The following CRISPLD1 variants were observed in gnomAD, a reference collection of about 807,000 sequenced individuals.
CRISPLD1 encodes cysteine-rich secretory protein LCCL domain-containing 1.
Under a neutral mutation model 77.5 loss-of-function variants are expected in CRISPLD1, and 60 were observed. The ratio of observed to expected loss-of-function variants is 0.77; its 90% CI spans 0.63 to 0.96. The LOEUF is 0.96. CRISPLD1 is among the 40% of genes least tolerant of loss of function. The pLI is 0.00. For synonymous variants in CRISPLD1, 195 were observed against 200.1 expected, an observed-to-expected ratio of 0.97 and a Z score of 0.22; for missense variants, 623 against 615.8, an observed-to-expected ratio of 1.01 and a Z score of -0.12.
intron 2 of CRISPLD1, among the ~76,000 whole-genome samples, chr8:75,009,439 GA>G (rs1281075509): frequency 6.6e-6 from 1 of 152,110 alleles, no homozygotes; most frequent in Non-Finnish European, 1.5e-5. Context: ...TTCAAGGGAA[GA>G]GGGGGGAATT....
At position 74,984,855 on chromosome 8, in the gene CRISPLD1, T is replaced by TG. The variant is rs951311334; in HGVS notation, c.-125dup. ...CGTCTGCGGTCCCTTGTGAAGGCTC[T>TG]GGGCGGCTGCAGAGGCCGGCCGTCC... On this transcript the variant is annotated 5_prime_UTR_variant, in exon 1 of 15. Coordinates refer to ENST00000262207, the MANE Select transcript of CRISPLD1 (RefSeq NM_031461.6). 6.6e-6 allele frequency: 1 copy of TG among 152,350 alleles called. No homozygotes were observed. Among genetic ancestry groups the TG allele is most frequent in the Non-Finnish European group, 1.5e-5 (1 of 68,162 alleles). The allele number at this position is 152,350 out of a possible 1,614,324, so 9.4% of individuals were successfully genotyped here.
intron 2 of CRISPLD1, among the ~76,000 whole-genome samples, chr8:75,005,429 C>T (rs1365679603): frequency 2.0e-5 from 3 of 152,026 alleles, no homozygotes; most frequent in South Asian, 2.1e-4. Context: ...GGAAAGAGAA[C>T]TCTTCCAGGG....
chr8:75,001,664 T>C (rs913691190), intron 2 of CRISPLD1, among the ~76,000 whole-genome samples: 2 of 152,190 alleles, frequency 1.3e-5, no homozygotes, highest in African/African-American at 4.8e-5. Flanking sequence ...TGACAATATG[T>C]GTCCAGCTGA....
rs1324071891 is a variant in CRISPLD1 at position 75,034,133 on chromosome 8, A to T, written c.*1891A>T. ...ATTTCCCAGCCCCAGAACCCTTGAA[A>T]TTAACTCTTCCATGAGTTTTCATTG... On this transcript the variant is annotated 3_prime_UTR_variant, in exon 15 of 15. Transcript: ENST00000262207. 2 of 152,034 alleles carry T rather than the reference A, an allele frequency of 1.3e-5. No homozygotes were observed. The highest frequency in any genetic ancestry group is 6.6e-5 in the Admixed American group (1 of 15,262). 9.4% of individuals were successfully genotyped at this position (152,034 alleles called of 1,614,324 possible). A position where few individuals can be genotyped will look rare whatever the true frequency, so the allele number is the denominator to read the frequency against.
chr8:75,019,401 T>C (rs1813093681), intron 10 of CRISPLD1, among the ~76,000 whole-genome samples: 1 of 152,198 alleles, frequency 6.6e-6, no homozygotes. Context: ...TTATTCATTT[T>C]ACTGTATAAT....
At chr8:75,008,186 G>T (rs1812867948) in intron 2 of CRISPLD1, among the ~76,000 whole-genome samples, 1 of 152,140 alleles carries the variant, frequency 6.6e-6, no homozygotes, top group East Asian at 1.9e-4. Context: ...GATGTAGTTG[G>T]GAAATAGAGT....
rs568124456 is a variant in CRISPLD1 at position 75,012,830 on chromosome 8, A to G, written c.378-60A>G. ...AAATTATACCAATGTATTTTGCAAT[A>G]TTTAGTTTTGTATTTTCTCCAACTT... On this transcript the variant is annotated intron_variant, in intron 3 of 14. Coordinates refer to ENST00000262207, the MANE Select transcript of CRISPLD1 (RefSeq NM_031461.6). 5.2e-6 allele frequency: 8 copies of G among 1,550,854 alleles called. No homozygotes were observed. The South Asian group carries it at 6.1e-5, about 12-fold the overall frequency.
chr8:75,017,724 C>T (rs1813060116), intron 10 of CRISPLD1, among the ~76,000 whole-genome samples: 1 of 152,020 alleles, frequency 6.6e-6, no homozygotes, highest in South Asian at 2.1e-4. Flanking sequence ...CAGTGTAAAG[C>T]AATACATTTT....
At chr8:75,027,160 G>C (rs972453678) in intron 13 of CRISPLD1, among the ~76,000 whole-genome samples, 2 of 152,046 alleles carry the variant, frequency 1.3e-5, no homozygotes, top group Non-Finnish European at 2.9e-5. Context: ...TAGTTTGTAA[G>C]TTTCTCAAGG....
intron 1 of CRISPLD1, among the ~76,000 whole-genome samples, chr8:74,985,509 A>G (rs915601727): frequency 2.6e-5 from 4 of 152,240 alleles, no homozygotes; most frequent in Non-Finnish European, 1.5e-5. Flanking sequence ...AAATATTCAC[A>G]CCTTAAAACT....
At chr8:74,997,928 G>A (rs1020020164) in intron 2 of CRISPLD1, among the ~76,000 whole-genome samples, 2 of 152,184 alleles carry the variant, frequency 1.3e-5, no homozygotes, top group Non-Finnish European at 2.9e-5. Context: ...GGGAGGCGAG[G>A]AAGTAGAGAA....
intron 14 of CRISPLD1, among the ~76,000 whole-genome samples, chr8:75,031,952 C>T (rs1323944083): frequency 1.3e-5 from 2 of 151,852 alleles, no homozygotes; most frequent in East Asian, 3.9e-4. Flanking sequence ...ACTATTATTA[C>T]CATTACACAT....
At chr8:75,023,184 A>C (rs115154610) in intron 12 of CRISPLD1, among the ~76,000 whole-genome samples, 290 of 152,210 alleles carry the variant, frequency 1.9e-3, no homozygotes, top group African/African-American at 6.8e-3. Flanking sequence ...ACTTCCCCCA[A>C]TCTTTGTTTT....
In CRISPLD1 at chr8:75,028,777, C is replaced by CA. The variant is rs1225675750; in HGVS notation, c.1321-610_1321-609insA. On this transcript the variant is annotated intron_variant, in intron 13 of 14. Coordinates refer to ENST00000262207, the MANE Select transcript of CRISPLD1 (RefSeq NM_031461.6). ...AACTAAGTTGACAGGCATTACAAAT[C>CA]TAGGTAGAAGCTATGATGATTCTTC... Among the ~76,000 whole-genome samples, 42 of 152,126 alleles carry CA rather than the reference C, an allele frequency of 2.8e-4. 1 individual carries two copies. The highest frequency in any genetic ancestry group is 4.7e-4 in the Non-Finnish European group (32 of 68,004).
intron 14 of CRISPLD1, among the ~76,000 whole-genome samples, chr8:75,030,806 A>G (rs1215661099): frequency 2.0e-5 from 3 of 149,792 alleles, no homozygotes; most frequent in Non-Finnish European, 4.4e-5. Context: ...GAGTATGCAT[A>G]TGTGTATGTG....
chr8:75,023,736 A>G (rs1813182097), intron 12 of CRISPLD1, among the ~76,000 whole-genome samples: 1 of 151,992 alleles, frequency 6.6e-6, no homozygotes, highest in South Asian at 2.1e-4. Context: ...CTCATTTACT[A>G]CTTAAAATTG....
chr8:75,016,570 T>A lies in CRISPLD1; in HGVS notation c.733T>A (p.Ser245Thr). ...CRENLCYKEG[S>T]DRYYPPREEE... ...AAATCTGCTTTCTCTAACAGAAGGG[T>A]CAGACAGGTATTATCCCCCTCGAGA... The change falls in exon 7 of 15, where the codon TCA becomes ACA. Residue 245 changes from serine (S) to threonine (T), a missense_variant. Coordinates refer to ENST00000262207, the MANE Select transcript of CRISPLD1 (RefSeq NM_031461.6). The A allele has an allele frequency of 6.2e-7, 1 of 1,610,198 alleles. No individual in the cohort carries two copies. The highest frequency in any genetic ancestry group is 8.5e-7 in the Non-Finnish European group (1 of 1,177,920).
intron 2 of CRISPLD1, among the ~76,000 whole-genome samples, chr8:74,993,597 A>C (rs1812606323): frequency 1.3e-5 from 2 of 152,156 alleles, no homozygotes; most frequent in African/African-American, 2.4e-5. Flanking sequence ...TCTTTTTGAA[A>C]ATTGCACCAT....
chr8:75,022,098 A>G (rs973235097), intron 12 of CRISPLD1, among the ~76,000 whole-genome samples: 5 of 152,238 alleles, frequency 3.3e-5, no homozygotes, highest in African/African-American at 1.2e-4. Context: ...GGCTTGTTTC[A>G]GAAAGCAAAA....
Sources: allele counts gnomAD v4.1 joint callset (sites outside exome capture counted in the v4.1 genomes callset), GRCh38; gene constraint gnomAD v4.1.1; transcripts MANE v1.5; gene names NCBI Gene and HGNC (gene_info 2026-07-23, HGNC 2026-07-21).